Variants in SAE1 observed in about 807,000 individuals in gnomAD.
The protein encoded by SAE1 is SUMO1 activating enzyme subunit 1.
In SAE1, 11 loss-of-function variants were observed where a neutral mutation model predicts 40.6. The observed-to-expected ratio is 0.27, with a 90% CI of 0.17 to 0.45. The LOEUF is 0.45. SAE1 is among the 20% of genes least tolerant of loss of function. The probability of loss-of-function intolerance (pLI) is 1.00; values close to 1 mark genes in which losing one functional copy is unlikely to be tolerated. For synonymous variants in SAE1, 155 were observed against 154.3 expected (o/e 1.00, Z -0.03); for missense variants, 373 against 427.3 (o/e 0.87, Z 1.12).
chr19:47,207,692 G>C (rs1002047618), intron 8 of SAE1, among the ~76,000 whole-genome samples: 15 of 151,944 alleles, frequency 9.9e-5, no homozygotes, highest in Admixed American at 7.9e-4. Flanking sequence ...GGAGTACAGT[G>C]GTGCCATCAC....
rs564719590 is a variant in SAE1, at chr19:47,195,275, G to A, written c.734-1958G>A. On this transcript the variant is annotated intron_variant, in intron 6 of 8. Coordinates refer to ENST00000270225, the MANE Select transcript of SAE1 (RefSeq NM_005500.3). ...TCACCATGTTGGCCAGGTTGGTCTCGAACTCCTGACCTCAGATGATCCACC... is the reference window on the plus strand; with the variant it reads ...TCACCATGTTGGCCAGGTTGGTCTCAAACTCCTGACCTCAGATGATCCACC... Among the ~76,000 whole-genome samples the A allele has an allele frequency of 1.1e-4, 16 of 151,992 alleles. No homozygotes were observed. In the East Asian group the frequency reaches 2.3e-3, roughly 22 times the overall value.
chr19:47,138,678 G>A (rs962604778), intron 1 of SAE1, among the ~76,000 whole-genome samples: 5 of 152,132 alleles, frequency 3.3e-5, no homozygotes, highest in African/African-American at 1.2e-4. Flanking sequence ...GGAGGGGGCA[G>A]TAAACATATA....
At chr19:47,179,535 T>G (rs898728749) in intron 6 of SAE1, among the ~76,000 whole-genome samples, 1 of 151,882 alleles carries the variant, frequency 6.6e-6, no homozygotes, top group African/African-American at 2.4e-5. Context: ...AAATAAATAT[T>G]GAACTCTGCT....
intron 8 of SAE1, among the ~76,000 whole-genome samples, chr19:47,204,942 G>C (rs2058678131): frequency 6.6e-6 from 1 of 152,110 alleles, no homozygotes; most frequent in Non-Finnish European, 1.5e-5. Context: ...CTCTCAGAAG[G>C]GAAGCATCTT....
intron 6 of SAE1, among the ~76,000 whole-genome samples, chr19:47,171,849 C>T (rs1459561038): frequency 2.7e-5 from 4 of 150,934 alleles, no homozygotes; most frequent in Admixed American, 2.0e-4. Context: ...GTGATCTGCC[C>T]ACCTCAGCCT....
At chr19:47,190,488 T>C (rs2058571956) in intron 6 of SAE1, among the ~76,000 whole-genome samples, 1 of 152,186 alleles carries the variant, frequency 6.6e-6, no homozygotes, top group Admixed American at 6.6e-5. Flanking sequence ...CCTCCACTGC[T>C]GCTAACTGGA....
At chr19:47,142,614 A>G (rs2058228990) in intron 1 of SAE1, 1 of 152,166 alleles carries the variant, frequency 6.6e-6, no homozygotes, top group African/African-American at 2.4e-5. Context: ...CATTGCATGT[A>G]AGAGCCTTCA....
chr19:47,136,286 C>T (rs975728246), intron 1 of SAE1, among the ~76,000 whole-genome samples: 1 of 150,550 alleles, frequency 6.6e-6, no homozygotes, highest in African/African-American at 2.4e-5. Flanking sequence ...TTACAGGCAC[C>T]TGCCACCACG....
At chr19:47,202,946 G>A (rs1391769378) in intron 7 of SAE1, among the ~76,000 whole-genome samples, 2 of 152,188 alleles carry the variant, frequency 1.3e-5, no homozygotes, top group African/African-American at 4.8e-5. Context: ...ACACTGGGGA[G>A]ATTGGAGGTA....
intron 1 of SAE1, among the ~76,000 whole-genome samples, chr19:47,137,843 C>T (rs1036883270): frequency 6.6e-6 from 1 of 151,860 alleles, no homozygotes; most frequent in African/African-American, 2.4e-5. Context: ...ATTCTCCTGC[C>T]TTAGCCTCTG....
intron 5 of SAE1, among the ~76,000 whole-genome samples, chr19:47,159,790 T>G (rs1189506333): frequency 1.3e-5 from 2 of 152,004 alleles, no homozygotes; most frequent in Non-Finnish European, 2.9e-5. Flanking sequence ...GCCTCCTGGG[T>G]TCAAGCAATT....
chr19:47,151,881 C>T (rs570596674), intron 3 of SAE1, among the ~76,000 whole-genome samples: 6 of 152,204 alleles, frequency 3.9e-5, no homozygotes, highest in African/African-American at 1.4e-4. Context: ...CCATGTTGAC[C>T]GCCTTGCAGG....
intron 6 of SAE1, among the ~76,000 whole-genome samples, chr19:47,195,596 G>A (rs567175261): frequency 5.9e-5 from 9 of 152,108 alleles, no homozygotes; most frequent in African/African-American, 4.8e-5. Context: ...GCTAAAGCAG[G>A]CTTTAAACTG....
At chr19:47,209,130 C>A in intron 8 of SAE1, 29 bp from the exon 9 acceptor site, 1 of 1,609,646 alleles carries the variant, frequency 6.2e-7, no homozygotes, top group Non-Finnish European at 8.5e-7. Flanking sequence ...AGCACTTGAG[C>A]TAAACCCTCT....
intron 8 of SAE1, among the ~76,000 whole-genome samples, chr19:47,204,187 C>CT (rs57736880): frequency 0.021 from 1,749 of 82,144 alleles, 208 homozygotes; most frequent in African/African-American, 0.039. Context: ...AAAGCCCTCC[C>CT]TTTTTTTTTT....
At chr19:47,183,421 C>T (rs1453529962) in intron 6 of SAE1, among the ~76,000 whole-genome samples, 4 of 152,096 alleles carry the variant, frequency 2.6e-5, no homozygotes, top group African/African-American at 2.4e-5. Flanking sequence ...GTTTAAGCAT[C>T]GCCCAACAAA....
intron 7 of SAE1, among the ~76,000 whole-genome samples, chr19:47,199,305 A>T (rs563790923): frequency 2.0e-5 from 3 of 149,666 alleles, no homozygotes; most frequent in East Asian, 4.0e-4. Context: ...GAATGGCGTG[A>T]ACCCGGGAGG....
chr19:47,166,296 C>T (rs745793022), intron 5 of SAE1, among the ~76,000 whole-genome samples: 1 of 152,062 alleles, frequency 6.6e-6, no homozygotes, highest in Non-Finnish European at 1.5e-5. Flanking sequence ...CCAGCTTTCC[C>T]GATGTGCCTT....
chr19:47,151,948 A>G (rs1182717695), intron 3 of SAE1, among the ~76,000 whole-genome samples: 13 of 152,208 alleles, frequency 8.5e-5, no homozygotes. Context: ...GCAGGGTTCC[A>G]TTTGATCAAT....
Sources: gnomAD v4.1 joint callset for allele counts (sites outside exome capture counted in the v4.1 genomes callset) on GRCh38, gnomAD v4.1.1 for gene constraint, MANE v1.5 for transcripts, NCBI Gene and HGNC (gene_info 2026-07-23, HGNC 2026-07-21) for gene names.